Variants in THSD4 observed in about 807,000 individuals in gnomAD.
THSD4 encodes thrombospondin type 1 domain containing 4.
In THSD4, 69 loss-of-function variants were observed where a neutral mutation model predicts 119.0. That is an observed-to-expected ratio of 0.58 (90% confidence interval 0.48 to 0.71). The LOEUF (loss-of-function observed/expected upper bound fraction) is 0.71. Ranked by LOEUF, THSD4 falls within the 30% of genes least tolerant of loss-of-function variation. The probability of loss-of-function intolerance (pLI) is 0.00; values close to 1 mark genes in which losing one functional copy is unlikely to be tolerated. For synonymous variants in THSD4, 524 were observed against 540.4 expected (o/e 0.97, Z 0.42); for missense variants, 1,393 against 1,391.1 (o/e 1.00, Z -0.02).
At chr15:71,579,652 C>T (rs2049520803) in intron 7 of THSD4, among the ~76,000 whole-genome samples, 1 of 152,158 alleles carries the variant, frequency 6.6e-6, no homozygotes, top group South Asian at 2.1e-4. Context: ...TGGTAGATCC[C>T]CTCAAATTGG....
intron 7 of THSD4, among the ~76,000 whole-genome samples, chr15:71,443,748 C>T (rs1216243993): frequency 6.6e-6 from 1 of 152,194 alleles, no homozygotes; most frequent in African/African-American, 2.4e-5. Flanking sequence ...TATCCTGACC[C>T]CATTCCCTCT....
At chr15:71,574,571 G>A (rs377112713) in intron 7 of THSD4, among the ~76,000 whole-genome samples, 31 of 152,194 alleles carry the variant, frequency 2.0e-4, no homozygotes, top group African/African-American at 6.3e-4. Context: ...AGTCAGCAGC[G>A]ATGGCTATGA....
chr15:71,301,806 C>T (rs1051724830), intron 6 of THSD4, among the ~76,000 whole-genome samples: 3 of 152,150 alleles, frequency 2.0e-5, no homozygotes, highest in African/African-American at 7.2e-5. Flanking sequence ...GCCTGGATAC[C>T]TCAAGGGAGA....
intron 8 of THSD4, among the ~76,000 whole-genome samples, chr15:71,663,448 G>A (rs558483949): frequency 1.3e-5 from 2 of 152,284 alleles, no homozygotes; most frequent in Middle Eastern, 3.4e-3. Flanking sequence ...CAGAGATGAC[G>A]AACAGAGATT....
intron 14 of THSD4, among the ~76,000 whole-genome samples, chr15:71,757,394 C>A (rs934781206): frequency 6.6e-6 from 1 of 151,580 alleles, no homozygotes; most frequent in East Asian, 1.9e-4. Flanking sequence ...GGTTTTCATG[C>A]ACCCATTCTT....
At chr15:71,753,771 G>C (rs1207897658) in intron 14 of THSD4, among the ~76,000 whole-genome samples, 2 of 152,232 alleles carry the variant, frequency 1.3e-5, no homozygotes, top group Non-Finnish European at 2.9e-5. Context: ...CCTGGACCAG[G>C]TCGTGAGTGG....
intron 3 of THSD4, among the ~76,000 whole-genome samples, chr15:71,207,068 T>C (rs2043849719): frequency 6.6e-6 from 1 of 152,250 alleles, no homozygotes; most frequent in African/African-American, 2.4e-5. Flanking sequence ...TATTTCCATA[T>C]TGCTCTGTAT....
In THSD4 at chr15:71,595,922, G is replaced by A. The variant is rs115717262; in HGVS notation, c.1153-64608G>A. On this transcript the variant is annotated intron_variant, in intron 7 of 17. Coordinates refer to ENST00000261862, the MANE Select transcript of THSD4 (RefSeq NM_024817.3). ...TGTGTTTTTGTTAACTATGCACATCGATTTGACTGAGAGACATAGCACAGT... is the reference window on the plus strand; with the variant it reads ...TGTGTTTTTGTTAACTATGCACATCAATTTGACTGAGAGACATAGCACAGT... Among the ~76,000 whole-genome samples the A allele has an allele frequency of 5.6e-3, 858 of 152,328 alleles. 9 individuals are homozygous for A. Among genetic ancestry groups the A allele is most frequent in the African/African-American group, 0.017 (698 of 41,572 alleles).
At chr15:71,377,877 C>CACACACACACACACACACACAA (rs2046164021) in intron 6 of THSD4, among the ~76,000 whole-genome samples, 2 of 75,642 alleles carry the variant, frequency 2.6e-5, no homozygotes, top group South Asian at 4.5e-4. Context: ...AACACACACA[C>CACACACACACACACACACACAA]ACACACACAC....
intron 3 of THSD4, among the ~76,000 whole-genome samples, chr15:71,199,620 GGTGTGTGGT>G (rs1252433343): frequency 3.9e-4 from 21 of 54,370 alleles, no homozygotes; most frequent in East Asian, 6.9e-4. Flanking sequence ...GTGGTGTGTG[GGTGTGTGGT>G]GTGTGTGGTG....
At chr15:71,311,165 G>A (rs1461601188) in intron 6 of THSD4, among the ~76,000 whole-genome samples, 4 of 152,140 alleles carry the variant, frequency 2.6e-5, no homozygotes, top group East Asian at 1.9e-4. Context: ...TCTAACCATC[G>A]TATTTCAATT....
chr15:71,271,854 G>C (rs1346793048), intron 6 of THSD4, among the ~76,000 whole-genome samples: 1 of 152,102 alleles, frequency 6.6e-6, no homozygotes, highest in Non-Finnish European at 1.5e-5. Flanking sequence ...AAACATAGGA[G>C]AAACACTACA....
chr15:71,548,872 T>C (rs1450545672), intron 7 of THSD4, among the ~76,000 whole-genome samples: 1 of 152,160 alleles, frequency 6.6e-6, no homozygotes, highest in Non-Finnish European at 1.5e-5. Context: ...CATGCACATA[T>C]GGTCTGGGGA....
At chr15:71,263,330 G>GATAT (rs1350637957) in intron 6 of THSD4, among the ~76,000 whole-genome samples, 1 of 7,280 alleles carries the variant, frequency 1.4e-4, no homozygotes, top group South Asian at 0.013. Context: ...AGTATTCCAT[G>GATAT]GTATATATAT....
At chr15:71,180,142 TA>T (rs71152334) in intron 3 of THSD4, among the ~76,000 whole-genome samples, 81,822 of 120,414 alleles carry the variant, frequency 0.68, 27,345 homozygotes, top group Non-Finnish European at 0.77. Context: ...TAGAGTATAA[TA>T]AAAAAAAAAC....
At chr15:71,119,422 G>A (rs529275460) in intron 1 of THSD4, among the ~76,000 whole-genome samples, 101 of 152,318 alleles carry the variant, frequency 6.6e-4, no homozygotes, top group Middle Eastern at 6.8e-3. Flanking sequence ...TGGTTCTAGC[G>A]ACAGGTGGTG....
intron 3 of THSD4, among the ~76,000 whole-genome samples, chr15:71,156,584 G>A (rs1158797949): frequency 6.6e-6 from 1 of 152,120 alleles, no homozygotes. Flanking sequence ...TTTTCATAGG[G>A]GAAATTCAGG....
intron 6 of THSD4, among the ~76,000 whole-genome samples, chr15:71,261,140 T>C (rs1454990877): frequency 1.3e-5 from 2 of 152,090 alleles, no homozygotes; most frequent in Non-Finnish European, 2.9e-5. Context: ...AATTAAGATA[T>C]AAGTTTAGAT....
Position 71,411,833 on chromosome 15 carries a change from C to T in THSD4, c.1152+10C>T, listed in dbSNP as rs1288141456. The T allele has an allele frequency of 1.2e-6, 2 of 1,613,558 alleles. No individual in the cohort carries two copies. The highest frequency in any genetic ancestry group is 3.3e-5 in the Admixed American group (2 of 59,970). On this transcript the variant is annotated intron_variant, in intron 7 of 17. Coordinates refer to ENST00000261862, the MANE Select transcript of THSD4 (RefSeq NM_024817.3). ...GTCTGGGCAGTGCAAGGTAAGTGCC[C>T]CCGAACTGGGGTGAATTCTTAAGGT... is the stretch of plus-strand genomic sequence containing the variant.
Sources: gnomAD v4.1 joint callset for allele counts (sites outside exome capture counted in the v4.1 genomes callset) on GRCh38, gnomAD v4.1.1 for gene constraint, MANE v1.5 for transcripts, NCBI Gene and HGNC (gene_info 2026-07-23, HGNC 2026-07-21) for gene names.